The following IGSF21 variants were observed in gnomAD, a reference collection of about 807,000 sequenced individuals.
The protein encoded by IGSF21 is immunoglobin superfamily member 21.
Under a neutral mutation model 46.8 loss-of-function variants are expected in IGSF21, and 28 were observed. The ratio of observed to expected loss-of-function variants is 0.60; its 90% CI spans 0.44 to 0.82. The LOEUF (loss-of-function observed/expected upper bound fraction) is 0.82, where lower values mean the gene tolerates loss of function less well. Ranked by LOEUF, IGSF21 falls within the 40% of genes least tolerant of loss-of-function variation. The pLI is 0.00. For missense variants in IGSF21, 624 were observed against 665.5 expected, an observed-to-expected ratio of 0.94 and a Z score of 0.69; for synonymous variants, 284 against 273.6, an observed-to-expected ratio of 1.04 and a Z score of -0.38.
In IGSF21 at chr1:18,122,193, C is replaced by CTT. The variant is rs766563472; in HGVS notation, c.70+14018_70+14019dup. On this transcript the variant is annotated intron_variant, in intron 1 of 9. Transcript: ENST00000251296. ...TCTTTTCTTTTTTCTTTCTTTCTTTCTTTTTTTTTTTTTTTTTTTTTTTTG... is the reference window on the plus strand; with the variant it reads ...TCTTTTCTTTTTTCTTTCTTTCTTTCTTTTTTTTTTTTTTTTTTTTTTTTTTG... Among the ~76,000 whole-genome samples, 434 of 78,734 alleles carry CTT rather than the reference C, an allele frequency of 5.5e-3. 11 individuals are homozygous for CTT. Among genetic ancestry groups the CTT allele is most frequent in the African/African-American group, 0.018 (386 of 21,182 alleles). The allele number at this position is 78,734 out of a possible 152,430, so 51.7% of individuals were successfully genotyped here.
intron 2 of IGSF21, among the ~76,000 whole-genome samples, chr1:18,286,507 A>G (rs562205695): frequency 4.6e-5 from 7 of 152,238 alleles, no homozygotes; most frequent in Non-Finnish European, 1.0e-4. Flanking sequence ...TGTCTGGTCC[A>G]GGTGTACGCT....
chr1:18,260,437 C>T (rs373325), intron 2 of IGSF21, among the ~76,000 whole-genome samples: 62,614 of 152,162 alleles, frequency 0.41, 14,078 homozygotes, highest in African/African-American at 0.6. Context: ...ACAGCGACTT[C>T]TATTGAAGCG....
intron 1 of IGSF21, among the ~76,000 whole-genome samples, chr1:18,184,348 C>T (rs920802150): frequency 6.6e-6 from 1 of 152,302 alleles, no homozygotes; most frequent in African/African-American, 2.4e-5. Context: ...TTCTCCCCCT[C>T]CCCAGGGCCT....
intron 1 of IGSF21, among the ~76,000 whole-genome samples, chr1:18,145,505 C>T (rs2086457192): frequency 6.6e-6 from 1 of 152,164 alleles, no homozygotes; most frequent in East Asian, 1.9e-4. Context: ...ATACCTGCCG[C>T]CCCAACTGGC....
At chr1:18,223,605 C>T (rs954142408) in intron 1 of IGSF21, among the ~76,000 whole-genome samples, 1 of 152,188 alleles carries the variant, frequency 6.6e-6, no homozygotes, top group East Asian at 1.9e-4. Context: ...CATGAACGCT[C>T]AGAATGCATC....
intron 1 of IGSF21, among the ~76,000 whole-genome samples, chr1:18,193,687 C>G (rs543260343): frequency 6.6e-6 from 1 of 152,168 alleles, no homozygotes; most frequent in Admixed American, 6.5e-5. Flanking sequence ...AGCCCACTGA[C>G]TGAAATGTTA....
intron 2 of IGSF21, among the ~76,000 whole-genome samples, chr1:18,273,907 G>T (rs2085075841): frequency 6.6e-6 from 1 of 152,100 alleles, no homozygotes; most frequent in Non-Finnish European, 1.5e-5. Flanking sequence ...TAACTCCTGG[G>T]TGTGGCTGAA....
rs2086119197 is a variant in IGSF21, at chr1:18,109,212, G to C, written c.70+1014G>C. Among the ~76,000 whole-genome samples the C allele has an allele frequency of 1.3e-5, 2 of 152,022 alleles. No individual in the cohort carries two copies. The highest frequency in any genetic ancestry group is 6.5e-5 in the Admixed American group (1 of 15,276). On this transcript the variant is annotated intron_variant, in intron 1 of 9. Coordinates refer to ENST00000251296, the MANE Select transcript of IGSF21 (RefSeq NM_032880.5). The surrounding 1 kb of genome is among the most constrained non-coding windows in gnomAD (Gnocchi z 4.8). ...GCAGTGAGCAGAGAGCCAACGTGAGGCTAAAAGCCAGGAGGGAGGGAGGCG... is the reference window on the plus strand; with the variant it reads ...GCAGTGAGCAGAGAGCCAACGTGAGCCTAAAAGCCAGGAGGGAGGGAGGCG...
intron 1 of IGSF21, among the ~76,000 whole-genome samples, chr1:18,116,996 A>G (rs1008623675): frequency 6.6e-6 from 1 of 152,216 alleles, no homozygotes; most frequent in Non-Finnish European, 1.5e-5. Flanking sequence ...AGGAGTTGGC[A>G]GAGACCTGCC....
intron 1 of IGSF21, among the ~76,000 whole-genome samples, chr1:18,127,281 A>T (rs2086282128): frequency 6.6e-6 from 1 of 152,130 alleles, no homozygotes; most frequent in South Asian, 2.1e-4. Context: ...CTGTGGAGCT[A>T]TGTGAGGGGA....
intron 4 of IGSF21, among the ~76,000 whole-genome samples, chr1:18,354,613 T>C (rs933032847): frequency 6.6e-6 from 1 of 152,124 alleles, no homozygotes; most frequent in Non-Finnish European, 1.5e-5. Context: ...TTTGAACTTG[T>C]CTCTCCCCTC....
chr1:18,227,985 G>T lies in IGSF21; in HGVS notation c.158G>T (p.Arg53Leu), dbSNP rs748938162. 7 of 1,613,820 alleles carry T rather than the reference G, an allele frequency of 4.3e-6. No homozygotes were observed. Among genetic ancestry groups the T allele is most frequent in the South Asian group, 1.1e-5 (1 of 91,064 alleles). The change falls in exon 2 of 10, where the codon CGC becomes CTC. Residue 53 changes from arginine (R) to leucine (L), a missense_variant. Physicochemically the swap from Arg to Leu is moderately radical, Grantham distance 102. Coordinates refer to ENST00000251296, the MANE Select transcript of IGSF21 (RefSeq NM_032880.5). ...AAGTGTAACTTCAAGACAGATGGGCGCATGCGGGAGATCGTGTGGTACCGG... is the reference window on the plus strand; with the variant it reads ...AAGTGTAACTTCAAGACAGATGGGCTCATGCGGGAGATCGTGTGGTACCGG... ...TLKCNFKTDG[R>L]MREIVWYRVT...
At chr1:18,199,397 C>T (rs970702186) in intron 1 of IGSF21, among the ~76,000 whole-genome samples, 3 of 152,172 alleles carry the variant, frequency 2.0e-5, no homozygotes, top group African/African-American at 7.2e-5. Flanking sequence ...GTAAACTCCT[C>T]AGATATCCCC....
intron 3 of IGSF21, among the ~76,000 whole-genome samples, chr1:18,331,220 A>G (rs1239428563): frequency 6.6e-6 from 1 of 152,138 alleles, no homozygotes. Context: ...CCCGAGCAGT[A>G]TGCCCTATCC....
intron 2 of IGSF21, among the ~76,000 whole-genome samples, chr1:18,254,858 TCATCCATCCATCCATC>T (rs57304649): frequency 6.7e-6 from 1 of 150,354 alleles, no homozygotes; most frequent in Non-Finnish European, 1.5e-5. Context: ...ATCCATCCAT[TCATCCATCCATCCATC>T]CATCCATCCA....
chr1:18,243,200 A>G (rs760666171), intron 2 of IGSF21, among the ~76,000 whole-genome samples: 1 of 152,202 alleles, frequency 6.6e-6, no homozygotes, highest in Non-Finnish European at 1.5e-5. Context: ...CCCTCCCTAG[A>G]GATGTCTGAT....
chr1:18,378,351 CA>C lies in IGSF21; in HGVS notation c.*26del. ...AAGGCACCCGCCCCGGCCACTCCAT[CA>C]GGCACTGACATCTCCACGACCGGTT... On this transcript the variant is annotated 3_prime_UTR_variant, in exon 10 of 10. Coordinates refer to ENST00000251296, the MANE Select transcript of IGSF21 (RefSeq NM_032880.5). The C allele has an allele frequency of 6.3e-7, 1 of 1,584,256 alleles. No homozygotes were observed. The highest frequency in any genetic ancestry group is 1.1e-5 in the South Asian group (1 of 90,288).
rs573665692 is a variant in IGSF21, at chr1:18,197,460, T to C, written c.71-30438T>C. 2.0e-5 allele frequency among the ~76,000 whole-genome samples: 3 copies of C among 152,346 alleles called. No homozygotes were observed. The South Asian group carries it at 6.2e-4, about 32-fold the overall frequency. On this transcript the variant is annotated intron_variant, in intron 1 of 9. Coordinates refer to ENST00000251296, the MANE Select transcript of IGSF21 (RefSeq NM_032880.5). ...GGTCCTTGGAAATCTCGCTCCATAA[T>C]TATCATCCCACAAATGCTGTTTTCA...
At chr1:18,341,077 C>CTTCT in intron 4 of IGSF21, among the ~76,000 whole-genome samples, 1 of 43,638 alleles carries the variant, frequency 2.3e-5, no homozygotes. Context: ...TCTTCTTCTT[C>CTTCT]TCCTCCTCCT....
Sources: gnomAD v4.1 joint callset for allele counts (sites outside exome capture counted in the v4.1 genomes callset) on GRCh38, gnomAD v4.1.1 for gene constraint, Gnocchi (gnomAD v3.1) non-coding constraint, MANE v1.5 for transcripts, NCBI Gene and HGNC (gene_info 2026-07-23, HGNC 2026-07-21) for gene names.